Variants in GLRB observed in about 807,000 individuals in gnomAD.
GLRB encodes glycine receptor beta, also known as glycine receptor subunit beta.
A neutral mutation model predicts 54.2 loss-of-function variants in GLRB; 33 were observed. The ratio of observed to expected loss-of-function variants is 0.61; its 90% CI spans 0.46 to 0.81. GLRB has a LOEUF of 0.81. GLRB is among the 40% of genes least tolerant of loss of function. The pLI is 0.00. For synonymous variants in GLRB, 209 were observed against 208.2 expected (o/e 1.00, Z -0.03); for missense variants, 572 against 584.6 (o/e 0.98, Z 0.22).
At chr4:157,149,774 A>G (rs570124045) in intron 8 of GLRB, among the ~76,000 whole-genome samples, 8 of 152,048 alleles carry the variant, frequency 5.3e-5, no homozygotes, top group East Asian at 1.9e-4. Context: ...TGCTCTGTTG[A>G]TTCATGGCAT....
chr4:157,124,895 A>G (rs1460367949), intron 4 of GLRB, among the ~76,000 whole-genome samples: 3 of 151,880 alleles, frequency 2.0e-5, no homozygotes, highest in African/African-American at 4.8e-5. Context: ...GCTTCCAGCA[A>G]TATTTATTTT....
At chr4:157,078,583 G>C (rs1449683154) in intron 2 of GLRB, among the ~76,000 whole-genome samples, 1 of 151,882 alleles carries the variant, frequency 6.6e-6, no homozygotes, top group Non-Finnish European at 1.5e-5. Flanking sequence ...CTTAAGGTCA[G>C]TTCATATGTA....
chr4:157,150,578 C>T (rs181810592), intron 8 of GLRB, among the ~76,000 whole-genome samples: 37 of 152,170 alleles, frequency 2.4e-4, no homozygotes, highest in African/African-American at 7.2e-4. Context: ...ATGATATTGG[C>T]TAATCTTTTC....
At chr4:157,141,941 G>A (rs1470864660) in intron 7 of GLRB, among the ~76,000 whole-genome samples, 1 of 152,024 alleles carries the variant, frequency 6.6e-6, no homozygotes, top group Non-Finnish European at 1.5e-5. Flanking sequence ...ATGCTACTTT[G>A]TAGTAAATCG....
intron 9 of GLRB, among the ~76,000 whole-genome samples, chr4:157,163,702 C>A (rs2126627271): frequency 6.6e-6 from 1 of 152,150 alleles, no homozygotes; most frequent in African/African-American, 2.4e-5. Flanking sequence ...GCTTCTTTAG[C>A]TCCAAATCTG....
rs148031091 is a variant in GLRB, at chr4:157,170,619, C to T, written c.1385C>T (p.Ala462Val). The part of the protein sequence containing the change: ...QAKNNKKPPP[A>V]KPVIPTAAKR... The stretch of plus-strand genomic sequence containing the variant: ...AAGAACAACAAGAAGCCTCCCCCTG[C>T]GAAACCTGTTATTCCAACAGCAGCA... The change falls in exon 10 of 10, where the codon GCG becomes GTG. Residue 462 changes from alanine to valine, a missense_variant. Coordinates refer to ENST00000264428, the MANE Select transcript of GLRB (RefSeq NM_000824.5). The T allele has an allele frequency of 5.8e-4, 939 of 1,612,534 alleles. 11 individuals are homozygous for T. The South Asian group carries it at 9.5e-3, about 16-fold the overall frequency.
chr4:157,076,982 G>GT lies in GLRB; in HGVS notation c.-30+685_-30+686insT, dbSNP rs1277560937. On this transcript the variant is annotated intron_variant, in intron 1 of 9. Coordinates refer to ENST00000264428, the MANE Select transcript of GLRB (RefSeq NM_000824.5). ...TGGGGGGAAGAATCCTGGGGGGGGG[G>GT]GGGGAAGATGAAAAACATGACATAA... Among the ~76,000 whole-genome samples the GT allele has an allele frequency of 3.8e-5, 4 of 104,250 alleles. No homozygotes were observed. The East Asian group carries it at 1.4e-3, about 36-fold the overall frequency. The allele number at this position is 104,250 out of a possible 152,430, so 68.4% of individuals were successfully genotyped here. A position where few individuals can be genotyped will look rare whatever the true frequency, so the allele number is the denominator to read the frequency against.
chr4:157,137,983 T>C (rs1270435591), intron 6 of GLRB, among the ~76,000 whole-genome samples: 1 of 152,222 alleles, frequency 6.6e-6, no homozygotes, highest in African/African-American at 2.4e-5. Context: ...GCTGAAATGA[T>C]GCTGTAATTA....
chr4:157,163,761 T>A (rs2126627372), intron 9 of GLRB, among the ~76,000 whole-genome samples: 1 of 152,162 alleles, frequency 6.6e-6, no homozygotes, highest in South Asian at 2.1e-4. Flanking sequence ...CATTTTATGG[T>A]TCCTGGGATC....
chr4:157,076,972 TGGGG>T (rs35126594), intron 1 of GLRB, among the ~76,000 whole-genome samples: 900 of 14,452 alleles, frequency 0.062, 129 homozygotes, highest in East Asian at 0.52. Context: ...GGAAGAATCC[TGGGG>T]GGGGGGGGGG....
At chr4:157,154,719 A>T (rs1451139272) in intron 9 of GLRB, among the ~76,000 whole-genome samples, 1 of 151,792 alleles carries the variant, frequency 6.6e-6, no homozygotes, top group East Asian at 1.9e-4. Flanking sequence ...GAGCCACTGC[A>T]CTTGGCCCTC....
At chr4:157,083,453 A>T (rs1033138808) in intron 2 of GLRB, among the ~76,000 whole-genome samples, 1 of 152,156 alleles carries the variant, frequency 6.6e-6, no homozygotes, top group Non-Finnish European at 1.5e-5. Flanking sequence ...AGTGAAGTTC[A>T]TGATAAGTGG....
At chr4:157,128,216 A>T (rs1447071235) in intron 4 of GLRB, among the ~76,000 whole-genome samples, 2 of 151,868 alleles carry the variant, frequency 1.3e-5, no homozygotes, top group African/African-American at 4.8e-5. Context: ...GTTAAAATAT[A>T]CTTTATTCCT....
chr4:157,149,343 G>A (rs1194659972), intron 8 of GLRB, among the ~76,000 whole-genome samples: 1 of 152,024 alleles, frequency 6.6e-6, no homozygotes, highest in African/African-American at 2.4e-5. Context: ...GAGAATTTTA[G>A]GTAAGGACTT....
chr4:157,147,143 G>T (rs1017517897), intron 8 of GLRB, among the ~76,000 whole-genome samples: 1 of 152,158 alleles, frequency 6.6e-6, no homozygotes, highest in Non-Finnish European at 1.5e-5. Context: ...TTTCAAAACT[G>T]GAGTAGGAAT....
intron 2 of GLRB, among the ~76,000 whole-genome samples, chr4:157,093,124 G>A (rs571789413): frequency 6.6e-6 from 1 of 150,826 alleles, no homozygotes; most frequent in East Asian, 1.9e-4. Context: ...AACATATTGG[G>A]TTTACTTATG....
intron 2 of GLRB, among the ~76,000 whole-genome samples, chr4:157,087,116 G>A (rs1734439215): frequency 6.6e-6 from 1 of 152,088 alleles, no homozygotes. Flanking sequence ...ATTTATGCTT[G>A]CTAGTTCAAA....
chr4:157,085,209 AT>A (rs888314550), intron 2 of GLRB, among the ~76,000 whole-genome samples: 16 of 151,268 alleles, frequency 1.1e-4, no homozygotes, highest in African/African-American at 2.9e-4. Context: ...GCCATGTTCA[AT>A]TTTTTTTTCA....
intron 2 of GLRB, among the ~76,000 whole-genome samples, chr4:157,113,166 C>T (rs1452127607): frequency 4.0e-5 from 6 of 151,642 alleles, no homozygotes; most frequent in Admixed American, 1.3e-4. Context: ...TAGATATTTT[C>T]GTTGGGCCAG....
Sources: allele counts gnomAD v4.1 joint callset (sites outside exome capture counted in the v4.1 genomes callset), GRCh38; gene constraint gnomAD v4.1.1; transcripts MANE v1.5; gene names NCBI Gene and HGNC (gene_info 2026-07-23, HGNC 2026-07-21).